The following VASP variants were observed in gnomAD, a reference collection of about 807,000 sequenced individuals.
VASP encodes vasodilator stimulated phosphoprotein.
In VASP, 27 loss-of-function variants were observed where a neutral mutation model predicts 54.4. The ratio of observed to expected loss-of-function variants is 0.50; its 90% CI spans 0.37 to 0.68. VASP has a LOEUF of 0.68. Ranked by LOEUF, VASP falls within the 30% of genes least tolerant of loss-of-function variation. The probability of loss-of-function intolerance (pLI) is 0.00; values close to 1 mark genes in which losing one functional copy is unlikely to be tolerated. For missense variants in VASP, 488 were observed against 528.3 expected (o/e 0.92, Z 0.75); for synonymous variants, 233 against 209.8 (o/e 1.11, Z -0.96).
Position 45,518,088 on chromosome 19 carries a change from T to G in VASP, c.337T>G (p.Leu113Val), listed in dbSNP as rs1390168759. The change falls in exon 3 of 13, where the codon TTG becomes GTG. Residue 113 changes from leucine to valine, a missense_variant. Transcript: ENST00000245932. The stretch of plus-strand genomic sequence containing the variant: ...CGGCATGGCCAGTGCCCTAGAGGCG[T>G]TGGAAGGTCAGAAATGGCGGCGGGC... The part of the protein sequence containing the change: ...AAGMASALEA[L>V]EGGGPPPPPA... 6.2e-7 allele frequency: 1 copy of G among 1,612,938 alleles called. No homozygotes were observed. Among genetic ancestry groups the G allele is most frequent in the East Asian group, 2.2e-5 (1 of 44,872 alleles).
chr19:45,524,439 TG>T, intron 10 of VASP, 130 bp from the exon 11 acceptor site: 2 of 854,592 alleles, frequency 2.3e-6, no homozygotes, highest in Non-Finnish European at 1.8e-6. Flanking sequence ...AAAAAAAAAC[TG>T]GGGCCCCAAA....
At position 45,517,744 on chromosome 19, in the gene VASP, T is replaced by A; in HGVS notation, c.87T>A (p.Gly29=). 1 of 1,613,400 alleles carries A rather than the reference T, an allele frequency of 6.2e-7. No individual in the cohort carries two copies. Among genetic ancestry groups the A allele is most frequent in the Non-Finnish European group, 8.5e-7 (1 of 1,179,992 alleles). Residue 29 remains glycine, a synonymous_variant, in exon 2 of 13, where the codon GGT becomes GGA. Coordinates refer to ENST00000245932, the MANE Select transcript of VASP (RefSeq NM_003370.4). ...GNKRWLPAGT[G]PQAFSRVQIY... ...AGCGATGGCTCCCTGCTGGCACGGG[T>A]CCCCAGGCCTTCAGCCGCGTCCAGA...
intron 11 of VASP, 113 bp from the exon 12 acceptor site, chr19:45,525,833 C>A: frequency 9.5e-7 from 1 of 1,047,518 alleles, no homozygotes; most frequent in Non-Finnish European, 1.4e-6. Flanking sequence ...CATGCCATTG[C>A]ACCCTAGCCT....
Position 45,521,425 on chromosome 19 carries a change from TG to T in VASP, c.428+23del. 1 of 1,528,016 alleles carries T rather than the reference TG, an allele frequency of 6.5e-7. No homozygotes were observed. The highest frequency in any genetic ancestry group is 2.4e-5 in the East Asian group (1 of 41,702). The allele number at this position is 1,528,016 out of a possible 1,614,324, so 94.7% of individuals were successfully genotyped here. ...AGAAAAGGTGGGGCTGGGCCCTGGG[TG>T]GGGAACCTTAGCCGCTGCCAGAGTT... On this transcript the variant is annotated intron_variant, in intron 4 of 12. Coordinates refer to ENST00000245932, the MANE Select transcript of VASP (RefSeq NM_003370.4).
At chr19:45,522,308 C>T (rs956747607) in intron 5 of VASP, 32 bp from the exon 6 acceptor site, 1 of 1,613,164 alleles carries the variant, frequency 6.2e-7, no homozygotes. Context: ...GCTTCTCTCT[C>T]TCAGCTGCCC....
chr19:45,524,801 A>C, intron 11 of VASP, 141 bp downstream of exon 11: 1 of 765,126 alleles, frequency 1.3e-6, no homozygotes, highest in Non-Finnish European at 2.2e-6. Context: ...GATTGGGTCA[A>C]GGATGACCGA....
At chr19:45,516,240 G>A (rs1017916003) in intron 1 of VASP, among the ~76,000 whole-genome samples, 1 of 152,214 alleles carries the variant, frequency 6.6e-6, no homozygotes, top group African/African-American at 2.4e-5. Flanking sequence ...GGAGCTGTCT[G>A]GGTCACTGCT....
At chr19:45,520,616 T>G (rs1442490991) in intron 3 of VASP, among the ~76,000 whole-genome samples, 2 of 152,172 alleles carry the variant, frequency 1.3e-5, no homozygotes, top group Non-Finnish European at 2.9e-5. Context: ...AGGAAGAAGC[T>G]CTTTACCTTT....
intron 1 of VASP, 51 bp from the exon 2 acceptor site, chr19:45,517,612 G>T: frequency 1.3e-6 from 2 of 1,578,794 alleles, no homozygotes; most frequent in South Asian, 2.3e-5. Context: ...TCCCAGGAGA[G>T]ACCCAGATAA....
chr19:45,525,908 G>GT, intron 11 of VASP, 38 bp from the exon 12 acceptor site: 1 of 1,586,834 alleles, frequency 6.3e-7, no homozygotes, highest in South Asian at 1.1e-5. Context: ...GCAAGTCCCG[G>GT]TACCCCCTCC....
At position 45,521,409 on chromosome 19, in the gene VASP, G is replaced by A. The variant is rs1289730451; in HGVS notation, c.428+3G>A. On this transcript the variant is annotated splice_donor_region_variant and intron_variant, in intron 4 of 12. Transcript: ENST00000245932. ...GAGGAGGTGGAGCAGCAGAAAAGGT[G>A]GGGCTGGGCCCTGGGTGGGGAACCT... 6.4e-7 allele frequency: 1 copy of A among 1,554,700 alleles called. No individual in the cohort carries two copies.
chr19:45,507,717 G>A lies in VASP; in HGVS notation c.-55G>A. On this transcript the variant is annotated 5_prime_UTR_variant, in exon 1 of 13. Transcript: ENST00000245932. This position sits in a 1 kb window ranked among gnomAD's most constrained non-coding sequence, Gnocchi z 4.4. ...CCCCGAACCCCTGAACCTCCAGCCAGGGGCGCCCCGGGAGCAGCCAGCCCG... is the reference window on the plus strand; with the variant it reads ...CCCCGAACCCCTGAACCTCCAGCCAAGGGCGCCCCGGGAGCAGCCAGCCCG... 6.6e-7 allele frequency: 1 copy of A among 1,513,748 alleles called. No homozygotes were observed. The highest frequency in any genetic ancestry group is 8.8e-7 in the Non-Finnish European group (1 of 1,137,934). The allele number at this position is 1,513,748 out of a possible 1,614,324, so 93.8% of individuals were successfully genotyped here. A position where few individuals can be genotyped will look rare whatever the true frequency, so the allele number is the denominator to read the frequency against.
rs1968963768 is a variant in VASP at position 45,526,171 on chromosome 19, T to G, written c.1137T>G (p.Ser379=). 6.2e-7 allele frequency: 1 copy of G among 1,611,950 alleles called. No homozygotes were observed. Among genetic ancestry groups the G allele is most frequent in the African/African-American group, 1.3e-5 (1 of 74,708 alleles). Residue 379 remains serine, a synonymous_variant, in exon 13 of 13, where the codon TCT becomes TCG. Transcript: ENST00000245932. Reference sequence around the variant, plus strand: ...TCCAGGAGCTGAGGAAGCGGGGTTCTCCCTGACCACAGGGACCCAGAAGAC... The same window carrying G: ...TCCAGGAGCTGAGGAAGCGGGGTTCGCCCTGACCACAGGGACCCAGAAGAC... ...AFVQELRKRG[S]P
At chr19:45,524,203 G>A (rs1208804870) in intron 10 of VASP, 61 bp downstream of exon 10, 2 of 1,600,190 alleles carry the variant, frequency 1.2e-6, no homozygotes, top group East Asian at 2.2e-5. Flanking sequence ...TTGAGCCCAG[G>A]AGGTCAAGAC....
chr19:45,510,308 CCTCCGT>C (rs1968575363), intron 1 of VASP, among the ~76,000 whole-genome samples: 1 of 152,018 alleles, frequency 6.6e-6, no homozygotes, highest in African/African-American at 2.4e-5. Context: ...CTCACTGCAA[CCTCCGT>C]CTCCTGGGTT....
chr19:45,522,528 GC>G lies in VASP; in HGVS notation c.671del (p.Pro224GlnfsTer44). ...GGGCCCTGGTGGTGGGGGAGCTGGG[GC>G]CCCAGGCCTGGCCGCAGCTATTGCT... The part of the protein sequence containing the change: ...AQGPGGGGAG[A>X]PGLAAAIAGA... On this transcript the variant is annotated frameshift_variant, in exon 6 of 13. Transcript: ENST00000245932. LOFTEE classifies it high-confidence loss of function. 6.9e-7 allele frequency: 1 copy of G among 1,455,480 alleles called. No homozygotes were observed. Among genetic ancestry groups the G allele is most frequent in the Middle Eastern group, 2.3e-4 (1 of 4,388 alleles). 90.2% of individuals were successfully genotyped at this position (1,455,480 alleles called of 1,614,324 possible).
rs953396627 is a variant in VASP at position 45,524,652 on chromosome 19, G to A, written c.1039G>A (p.Val347Met). The change falls in exon 11 of 13, where the codon GTG becomes ATG. Residue 347 changes from valine (V) to methionine (M), a missense_variant. Transcript: ENST00000245932. ...CAGTGATTACTCGGACCTACAGAGG[G>A]TGAAACAGGTAACTTGGGGGGGAAG... Reference protein sequence around the residue: ...SSSDYSDLQRVKQELLEEVKK... With the variant: ...SSSDYSDLQRMKQELLEEVKK... 1 of 1,613,848 alleles carries A rather than the reference G, an allele frequency of 6.2e-7. No homozygotes were observed. Among genetic ancestry groups the A allele is most frequent in the Non-Finnish European group, 8.5e-7 (1 of 1,179,880 alleles).
intron 1 of VASP, among the ~76,000 whole-genome samples, chr19:45,514,860 C>T (rs765703379): frequency 1.4e-4 from 22 of 152,150 alleles, no homozygotes; most frequent in Admixed American, 2.6e-4. Context: ...ACACAGTTCC[C>T]GGTGGTTAAG....
At chr19:45,522,895 C>A in intron 7 of VASP, 77 bp downstream of exon 7, 1 of 1,401,654 alleles carries the variant, frequency 7.1e-7, no homozygotes, top group Non-Finnish European at 9.7e-7. Flanking sequence ...GCTCCAATTC[C>A]TGTTTAGTTT....
Sources: allele counts gnomAD v4.1 joint callset (sites outside exome capture counted in the v4.1 genomes callset), GRCh38; gene constraint gnomAD v4.1.1; non-coding constraint Gnocchi (gnomAD v3.1); transcripts MANE v1.5; gene names NCBI Gene and HGNC (gene_info 2026-07-23, HGNC 2026-07-21).